TNKS: variants seen among roughly 807,000 people sequenced by gnomAD.
TNKS encodes the protein tankyrase, also known as poly [ADP-ribose] polymerase tankyrase-1.
A neutral mutation model predicts 135.8 loss-of-function variants in TNKS; 72 were observed. That is an observed-to-expected ratio of 0.53 (90% confidence interval 0.44 to 0.64). The LOEUF (loss-of-function observed/expected upper bound fraction) is 0.64, where lower values mean the gene tolerates loss of function less well. Ranked by LOEUF, TNKS falls within the 30% of genes least tolerant of loss-of-function variation. TNKS has a pLI of 0.00. For missense variants in TNKS, 1,769 were observed against 1,674.0 expected (o/e 1.06, Z -0.99); for synonymous variants, 849 against 649.3 (o/e 1.31, Z -4.68).
At chr8:9,752,368 C>T (rs1282266983) in intron 19 of TNKS, among the ~76,000 whole-genome samples, 176 bp from the exon 20 acceptor site, 1 of 152,054 alleles carries the variant, frequency 6.6e-6, no homozygotes, top group Non-Finnish European at 1.5e-5. Context: ...GTTTTTACTT[C>T]CCAATCAACT....
At chr8:9,773,221 T>G (rs942279696) in intron 26 of TNKS, among the ~76,000 whole-genome samples, 3 of 151,878 alleles carry the variant, frequency 2.0e-5, no homozygotes, top group African/African-American at 7.3e-5. Flanking sequence ...AATATATGAA[T>G]AGTCATCACT....
chr8:9,609,805 A>T (rs1352955263), intron 2 of TNKS, among the ~76,000 whole-genome samples: 1 of 152,206 alleles, frequency 6.6e-6, no homozygotes, highest in Non-Finnish European at 1.5e-5. Context: ...TCTAATTTAA[A>T]TTCAGTAAGC....
At chr8:9,756,645 C>A (rs747581142) in intron 20 of TNKS, among the ~76,000 whole-genome samples, 4 of 152,058 alleles carry the variant, frequency 2.6e-5, no homozygotes, top group Admixed American at 6.6e-5. Context: ...TCCAACTAAC[C>A]TGCTTTCCAT....
intron 1 of TNKS, 114 bp from the exon 2 acceptor site, chr8:9,580,045 C>A: frequency 2.5e-6 from 2 of 803,636 alleles, no homozygotes; most frequent in Non-Finnish European, 4.1e-6. Context: ...ACACCATTTA[C>A]TATAGAGTGC....
chr8:9,761,349 G>T (rs1361783386), intron 20 of TNKS, among the ~76,000 whole-genome samples, 167 bp from the exon 21 acceptor site: 1 of 152,200 alleles, frequency 6.6e-6, no homozygotes, highest in Non-Finnish European at 1.5e-5. Context: ...AAAAGCTGAT[G>T]AGACTATCAA....
In TNKS at chr8:9,693,594, T is replaced by C. The variant is rs573682220; in HGVS notation, c.1108-11069T>C. 6.4e-4 allele frequency among the ~76,000 whole-genome samples: 97 copies of C among 152,122 alleles called. 2 individuals carry two copies. Among genetic ancestry groups the C allele is most frequent in the Non-Finnish European group, 6.2e-4 (42 of 68,016 alleles). On this transcript the variant is annotated intron_variant, in intron 5 of 26. Transcript: ENST00000310430. Reference sequence around the variant, plus strand: ...GTGAATAAATGTAAAGTAACTGATATTGAGACTGGTTAAACTGAGAAAATA... The same window carrying C: ...GTGAATAAATGTAAAGTAACTGATACTGAGACTGGTTAAACTGAGAAAATA...
At chr8:9,657,468 C>CT (rs1801444538) in intron 3 of TNKS, among the ~76,000 whole-genome samples, 1 of 73,042 alleles carries the variant, frequency 1.4e-5, no homozygotes, top group Non-Finnish European at 3.0e-5. Flanking sequence ...GCTGGCCGGG[C>CT]GGGGGGCTGA....
At chr8:9,608,381 T>C (rs1799316019) in intron 2 of TNKS, among the ~76,000 whole-genome samples, 1 of 152,216 alleles carries the variant, frequency 6.6e-6, no homozygotes, top group Non-Finnish European at 1.5e-5. Flanking sequence ...GTCATGCTGC[T>C]TATTCATAAC....
In TNKS at chr8:9,765,673, T is replaced by G; in HGVS notation, c.3448-19T>G. The stretch of plus-strand genomic sequence containing the variant: ...TGCACGTTTCACCGATAATGTTTCT[T>G]TCTTCTTCATCCTTAAAGATTCAAA... On this transcript the variant is annotated intron_variant, in intron 23 of 26. Coordinates refer to ENST00000310430, the MANE Select transcript of TNKS (RefSeq NM_003747.3). The G allele has an allele frequency of 6.3e-7, 1 of 1,597,444 alleles. No homozygotes were observed.
At position 9,580,356 on chromosome 8, in the gene TNKS, A is replaced by G. The variant is rs1286730143; in HGVS notation, c.871A>G (p.Ile291Val). ...CTATACACCTCTGCATGAAGCTGCT[A>G]TTAAAGGGAAGATCGATGTGTGCAT... ...WNYTPLHEAA[I>V]KGKIDVCIVL... The change falls in exon 2 of 27, where the codon ATT becomes GTT. Residue 291 changes from isoleucine to valine, a missense_variant. By Grantham distance (29) the Ile-to-Val change is conservative. This residue lies in a region of TNKS where 523 missense variants were observed against 541.0 expected (regional missense o/e 0.97). Coordinates refer to ENST00000310430, the MANE Select transcript of TNKS (RefSeq NM_003747.3). 1.9e-6 allele frequency: 3 copies of G among 1,614,102 alleles called. No homozygotes were observed. Among genetic ancestry groups the G allele is most frequent in the Non-Finnish European group, 1.7e-6 (2 of 1,180,042 alleles).
intron 13 of TNKS, among the ~76,000 whole-genome samples, chr8:9,729,440 A>G (rs1238922157): frequency 1.3e-5 from 2 of 152,194 alleles, no homozygotes; most frequent in Non-Finnish European, 2.9e-5. Flanking sequence ...CGTCCTTTAT[A>G]GCCTAGAGCA....
chr8:9,763,768 C>G lies in TNKS; in HGVS notation c.3372+524C>G, dbSNP rs531221563. Among the ~76,000 whole-genome samples the G allele has an allele frequency of 5.9e-5, 9 of 152,260 alleles. No individual in the cohort carries two copies. In the East Asian group the frequency reaches 1.7e-3, roughly 29 times the overall value. ...GTGTAACCCTCCTGGTGGTCAGATG[C>G]CAGTGAGACTCCTGCTCCACTGACG... On this transcript the variant is annotated intron_variant, in intron 22 of 26. Transcript: ENST00000310430.
intron 3 of TNKS, among the ~76,000 whole-genome samples, chr8:9,662,511 C>T (rs1020651183): frequency 2.6e-5 from 4 of 152,072 alleles, no homozygotes; most frequent in Non-Finnish European, 5.9e-5. Flanking sequence ...AACCAAACAC[C>T]GTATGTTCTG....
At chr8:9,571,266 A>G (rs560019281) in intron 1 of TNKS, among the ~76,000 whole-genome samples, 19 of 152,140 alleles carry the variant, frequency 1.2e-4, no homozygotes, top group South Asian at 4.1e-4. Flanking sequence ...GTACCTATCT[A>G]TATTTAGCAG....
intron 17 of TNKS, among the ~76,000 whole-genome samples, chr8:9,742,367 T>G (rs768169339): frequency 6.6e-6 from 1 of 151,918 alleles, no homozygotes; most frequent in Non-Finnish European, 1.5e-5. Flanking sequence ...ACCTTTTTTT[T>G]GTTTTTTAAC....
intron 1 of TNKS, among the ~76,000 whole-genome samples, chr8:9,570,866 G>T (rs1797729550): frequency 6.6e-6 from 1 of 152,180 alleles, no homozygotes. Context: ...CTACTAGAGA[G>T]GCTGAGGTGG....
chr8:9,721,956 G>A (rs1228726499), intron 12 of TNKS, among the ~76,000 whole-genome samples: 1 of 151,852 alleles, frequency 6.6e-6, no homozygotes, highest in African/African-American at 2.4e-5. Flanking sequence ...GGGAGCCTGA[G>A]GCAGGAGAAT....
Position 9,555,925 on chromosome 8 carries a change from T to C in TNKS, c.-15T>C, listed in dbSNP as rs1190904911. 5 of 1,603,940 alleles carry C rather than the reference T, an allele frequency of 3.1e-6. No individual in the cohort carries two copies. Among genetic ancestry groups the C allele is most frequent in the African/African-American group, 1.3e-5 (1 of 74,826 alleles). On this transcript the variant is annotated 5_prime_UTR_variant, in exon 1 of 27. Coordinates refer to ENST00000310430, the MANE Select transcript of TNKS (RefSeq NM_003747.3). ...GGGGCCGTTGCCGCAGTGACAGTGC[T>C]AGGGGAGTCCGAAGATGGCGGCGTC...
intron 3 of TNKS, among the ~76,000 whole-genome samples, chr8:9,622,785 AT>A (rs767939127): frequency 1.3e-5 from 2 of 152,206 alleles, no homozygotes; most frequent in African/African-American, 2.4e-5. Context: ...TATTATTATA[AT>A]AAAATGGATT....
Sources: allele counts gnomAD v4.1 joint callset (sites outside exome capture counted in the v4.1 genomes callset), GRCh38; gene constraint gnomAD v4.1.1; regional missense constraint gnomAD v4.1.1; transcripts MANE v1.5; gene names NCBI Gene and HGNC (gene_info 2026-07-23, HGNC 2026-07-21).